RIC1: variants seen among roughly 807,000 people sequenced by gnomAD.
RIC1 encodes guanine nucleotide exchange factor subunit RIC1.
RIC1 carries 88 observed loss-of-function variants against 169.0 expected under a neutral mutation model. The ratio of observed to expected loss-of-function variants is 0.52; its 90% CI spans 0.44 to 0.62. The LOEUF (loss-of-function observed/expected upper bound fraction) is 0.62, where lower values mean the gene tolerates loss of function less well. RIC1 is among the 20% of genes least tolerant of loss of function. RIC1 has a pLI of 0.00. For missense variants in RIC1, 1,877 were observed against 1,725.5 expected, an observed-to-expected ratio of 1.09 and a Z score of -1.56; for synonymous variants, 790 against 601.5, an observed-to-expected ratio of 1.31 and a Z score of -4.59.
At chr9:5,673,622 G>C (rs1281501730) in intron 2 of RIC1, among the ~76,000 whole-genome samples, 2 of 148,284 alleles carry the variant, frequency 1.3e-5, no homozygotes, top group Non-Finnish European at 3.0e-5. Flanking sequence ...GAATAGCAAA[G>C]TAAATAAGAA....
chr9:5,738,548 T>G lies in RIC1; in HGVS notation c.901+10T>G. On this transcript the variant is annotated intron_variant, in intron 8 of 25. Coordinates refer to ENST00000414202, the MANE Select transcript of RIC1 (RefSeq NM_020829.4). Reference sequence around the variant, plus strand: ...GCAAAACAGTATCCTGGTGAGTCTTTTTTTTTTTTTTTTTTTTTAACATTT... The same window carrying G: ...GCAAAACAGTATCCTGGTGAGTCTTGTTTTTTTTTTTTTTTTTTAACATTT... 1 of 1,128,746 alleles carries G rather than the reference T, an allele frequency of 8.9e-7. No individual in the cohort carries two copies. The highest frequency in any genetic ancestry group is 1.7e-5 in the South Asian group (1 of 58,428). The allele number at this position is 1,128,746 out of a possible 1,614,324, so 69.9% of individuals were successfully genotyped here. A position where few individuals can be genotyped will look rare whatever the true frequency, so the allele number is the denominator to read the frequency against.
intron 4 of RIC1, among the ~76,000 whole-genome samples, 169 bp downstream of exon 4, chr9:5,714,172 G>T (rs550157843): frequency 6.6e-6 from 1 of 152,194 alleles, no homozygotes; most frequent in South Asian, 2.1e-4. Flanking sequence ...TTTACAGATG[G>T]CACTTAATAC....
chr9:5,774,867 T>C lies in RIC1; in HGVS notation c.*621T>C, dbSNP rs1195059178. On this transcript the variant is annotated 3_prime_UTR_variant, in exon 26 of 26. Coordinates refer to ENST00000414202, the MANE Select transcript of RIC1 (RefSeq NM_020829.4). ...AATGTGCTTGTTTTAGCAAGCTTGA[T>C]TCCCATTAGACCAATGTGGGCAGAG... 3 of 152,262 alleles carry C rather than the reference T, an allele frequency of 2.0e-5. No individual in the cohort carries two copies. Among genetic ancestry groups the C allele is most frequent in the Admixed American group, 6.5e-5 (1 of 15,282 alleles). The allele number at this position is 152,262 out of a possible 1,614,324, so 9.4% of individuals were successfully genotyped here. A position where few individuals can be genotyped will look rare whatever the true frequency, so the allele number is the denominator to read the frequency against.
intron 9 of RIC1, 62 bp from the exon 10 acceptor site, chr9:5,743,627 A>G (rs1292626728): frequency 1.2e-5 from 16 of 1,306,114 alleles, no homozygotes; most frequent in Non-Finnish European, 1.5e-5. Context: ...AAAACACTAA[A>G]TTTTATGTGT....
intron 2 of RIC1, among the ~76,000 whole-genome samples, chr9:5,671,901 TA>T (rs546703482): frequency 1.4e-4 from 22 of 152,222 alleles, no homozygotes; most frequent in South Asian, 6.2e-4. Flanking sequence ...TAAGTGAGCT[TA>T]AAAAAGTGGA....
intron 2 of RIC1, among the ~76,000 whole-genome samples, chr9:5,663,790 G>A (rs953051687): frequency 1.3e-5 from 2 of 152,056 alleles, no homozygotes; most frequent in Non-Finnish European, 2.9e-5. Context: ...TTTAATTGGA[G>A]CATTTAGCCC....
chr9:5,665,153 T>C (rs1455590727), intron 2 of RIC1, among the ~76,000 whole-genome samples: 3 of 152,218 alleles, frequency 2.0e-5, no homozygotes, highest in Non-Finnish European at 4.4e-5. Flanking sequence ...TTGAACCCTT[T>C]ATTGTTATGT....
At chr9:5,647,764 G>C (rs1818589839) in intron 1 of RIC1, among the ~76,000 whole-genome samples, 2 of 152,116 alleles carry the variant, frequency 1.3e-5, no homozygotes. Context: ...GCTCTGGCTA[G>C]GGCTTTAGGT....
intron 2 of RIC1, among the ~76,000 whole-genome samples, chr9:5,663,323 C>T (rs1819564223): frequency 6.6e-6 from 1 of 152,016 alleles, no homozygotes; most frequent in Non-Finnish European, 1.5e-5. Flanking sequence ...ATGGAGAGTT[C>T]TGTAGATATC....
At chr9:5,745,469 A>G in intron 10 of RIC1, among the ~76,000 whole-genome samples, 1 of 152,216 alleles carries the variant, frequency 6.6e-6, no homozygotes, top group Non-Finnish European at 1.5e-5. Flanking sequence ...AAGCCAAGCT[A>G]TAATGAAGAC....
intron 3 of RIC1, among the ~76,000 whole-genome samples, chr9:5,709,698 T>G (rs1822819279): frequency 6.6e-6 from 1 of 152,150 alleles, no homozygotes; most frequent in African/African-American, 2.4e-5. Flanking sequence ...CCTTATCAAA[T>G]TATAGTTGAA....
Position 5,768,993 on chromosome 9 carries a change from C to T in RIC1, c.3161C>T (p.Ala1054Val). The T allele has an allele frequency of 6.2e-7, 1 of 1,612,556 alleles. No homozygotes were observed. The highest frequency in any genetic ancestry group is 1.1e-5 in the South Asian group (1 of 90,804). Residue 1054 changes from alanine (A) to valine (V), a missense_variant, in exon 22 of 26, where the codon GCT becomes GTT. Around this residue, in one of 3 missense-constraint regions of RIC1, gnomAD observed 681 missense variants for 582.0 expected, o/e 1.17. Coordinates refer to ENST00000414202, the MANE Select transcript of RIC1 (RefSeq NM_020829.4). ...AGATGGAGCAAAGACAGTGACTGTG[C>T]TGAGAACATGTATATTGACATGATG... ...GKRWSKDSDC[A>V]ENMYIDMMLW...
intron 17 of RIC1, among the ~76,000 whole-genome samples, chr9:5,761,071 ATCTG>A (rs927752163): frequency 2.1e-5 from 3 of 140,150 alleles, no homozygotes; most frequent in Non-Finnish European, 4.6e-5. Context: ...CCTGAGAAAC[ATCTG>A]TCTGTCTCCT....
chr9:5,666,626 G>T (rs932029703), intron 2 of RIC1, among the ~76,000 whole-genome samples: 17 of 152,086 alleles, frequency 1.1e-4, no homozygotes, highest in African/African-American at 4.1e-4. Flanking sequence ...TGCTCTCTTT[G>T]CGTCAATTGA....
At chr9:5,778,350 T>A (rs985379437), downstream of RIC1, among the ~76,000 whole-genome samples, 3 of 152,220 alleles carry the variant, frequency 2.0e-5, no homozygotes, top group African/African-American at 7.2e-5. Flanking sequence ...AGAGATAGTT[T>A]GAACTCTTCC....
At chr9:5,643,417 A>G (rs905161824) in intron 1 of RIC1, among the ~76,000 whole-genome samples, 3 of 152,170 alleles carry the variant, frequency 2.0e-5, no homozygotes, top group African/African-American at 7.2e-5. Context: ...GATGAACTAC[A>G]GAGTAGTTTG....
intron 3 of RIC1, among the ~76,000 whole-genome samples, chr9:5,696,530 G>T (rs1053203079): frequency 6.6e-6 from 1 of 151,948 alleles, no homozygotes; most frequent in African/African-American, 2.4e-5. Context: ...ATAAATAACT[G>T]ATCTGGCATG....
intron 2 of RIC1, among the ~76,000 whole-genome samples, chr9:5,657,317 G>A (rs1213054823): frequency 6.6e-6 from 1 of 151,508 alleles, no homozygotes; most frequent in East Asian, 1.9e-4. Flanking sequence ...TACCTTTTCA[G>A]TTCATGTTTC....
chr9:5,641,389 C>T (rs979079559), intron 1 of RIC1, among the ~76,000 whole-genome samples: 1 of 152,126 alleles, frequency 6.6e-6, no homozygotes, highest in African/African-American at 2.4e-5. Context: ...CCGCGCCCGG[C>T]CGCCATGAGG....
Sources: allele counts gnomAD v4.1 joint callset (sites outside exome capture counted in the v4.1 genomes callset), GRCh38; gene constraint gnomAD v4.1.1; regional missense constraint gnomAD v4.1.1; transcripts MANE v1.5; gene names NCBI Gene and HGNC (gene_info 2026-07-23, HGNC 2026-07-21).